Variants in EEFSEC observed in about 807,000 individuals in gnomAD.
The protein encoded by EEFSEC is selenocysteine-specific elongation factor.
In EEFSEC, 43 loss-of-function variants were observed where a neutral mutation model predicts 42.1. That is an observed-to-expected ratio of 1.02 (90% CI 0.80 to 1.32). The LOEUF is 1.32. Ranked by LOEUF, EEFSEC falls within the 40% of genes most tolerant of loss-of-function variation. The pLI is 0.00. For missense variants in EEFSEC, 745 were observed against 803.6 expected, an observed-to-expected ratio of 0.93 and a Z score of 0.88; for synonymous variants, 354 against 339.1, an observed-to-expected ratio of 1.04 and a Z score of -0.48.
chr3:128,153,916 G>A, intron 1 of EEFSEC, 93 bp downstream of exon 1: 1 of 1,411,502 alleles, frequency 7.1e-7, no homozygotes, highest in Non-Finnish European at 9.2e-7. Context: ...TGCCGGGACG[G>A]GAAATCGCCC....
chr3:128,168,846 CTTTGA>C (rs2065266899), intron 1 of EEFSEC, among the ~76,000 whole-genome samples: 1 of 152,184 alleles, frequency 6.6e-6, no homozygotes, highest in Admixed American at 6.5e-5. Context: ...CCGTGGCTTT[CTTTGA>C]TTTATTTTCC....
At chr3:128,382,552 C>T (rs2067789751) in intron 6 of EEFSEC, among the ~76,000 whole-genome samples, 1 of 152,202 alleles carries the variant, frequency 6.6e-6, no homozygotes, top group South Asian at 2.1e-4. Flanking sequence ...GTAAAACATT[C>T]ATAAAACTTT....
intron 1 of EEFSEC, among the ~76,000 whole-genome samples, chr3:128,175,353 G>A (rs1306997925): frequency 1.3e-5 from 2 of 152,246 alleles, no homozygotes; most frequent in Non-Finnish European, 2.9e-5. Flanking sequence ...CCTGTGGCTA[G>A]TTTTGGCTAG....
intron 1 of EEFSEC, among the ~76,000 whole-genome samples, chr3:128,205,649 A>G (rs2065689768): frequency 6.6e-6 from 1 of 152,222 alleles, no homozygotes; most frequent in African/African-American, 2.4e-5. Context: ...CACATTTACT[A>G]ATGCCTGAGC....
Position 128,286,838 on chromosome 3 carries a change from T to C in EEFSEC, c.786+22057T>C, listed in dbSNP as rs904125974. Among the ~76,000 whole-genome samples, 63 of 152,264 alleles carry C rather than the reference T, an allele frequency of 4.1e-4. 1 individual carries two copies. Among genetic ancestry groups the C allele is most frequent in the Admixed American group, 4.6e-4 (7 of 15,290 alleles). ...ACCCATATGTGCATATCTACCATTATAGATACAGAGGCATCTACCTATCTG... is the reference window on the plus strand; with the variant it reads ...ACCCATATGTGCATATCTACCATTACAGATACAGAGGCATCTACCTATCTG... On this transcript the variant is annotated intron_variant, in intron 4 of 6. Transcript: ENST00000254730.
chr3:128,239,705 C>A (rs552747607), intron 1 of EEFSEC, among the ~76,000 whole-genome samples: 1 of 152,310 alleles, frequency 6.6e-6, no homozygotes, highest in Non-Finnish European at 1.5e-5. Flanking sequence ...TGGTAGACAC[C>A]ACTGTCAGTA....
chr3:128,232,252 CCT>C (rs1397047177), intron 1 of EEFSEC, among the ~76,000 whole-genome samples: 7 of 151,996 alleles, frequency 4.6e-5, no homozygotes. Flanking sequence ...GACAATATTT[CCT>C]GAAACAGGAG....
intron 4 of EEFSEC, among the ~76,000 whole-genome samples, chr3:128,268,182 T>C (rs147114845): frequency 7.7e-4 from 117 of 152,354 alleles, no homozygotes; most frequent in Non-Finnish European, 8.2e-4. Context: ...ATGAACCTTG[T>C]ATTTTTTCCA....
At chr3:128,258,406 A>C (rs1329757242) in intron 2 of EEFSEC, among the ~76,000 whole-genome samples, 3 of 152,064 alleles carry the variant, frequency 2.0e-5, no homozygotes, top group Non-Finnish European at 4.4e-5. Context: ...TGCTTCTGCT[A>C]TTTGCTTCAC....
intron 1 of EEFSEC, among the ~76,000 whole-genome samples, chr3:128,235,775 T>C (rs142354339): frequency 7.9e-5 from 12 of 152,374 alleles, no homozygotes; most frequent in African/African-American, 2.9e-4. Context: ...CCTTTTGCTC[T>C]TCCAGACACG....
intron 4 of EEFSEC, among the ~76,000 whole-genome samples, chr3:128,331,961 T>C (rs956589214): frequency 6.6e-6 from 1 of 152,180 alleles, no homozygotes; most frequent in Non-Finnish European, 1.5e-5. Flanking sequence ...AAAAACCCTA[T>C]GTATATATAC....
chr3:128,170,382 C>T (rs902346381), intron 1 of EEFSEC, among the ~76,000 whole-genome samples: 9 of 151,940 alleles, frequency 5.9e-5, no homozygotes, highest in East Asian at 1.9e-4. Flanking sequence ...GCCAACATGA[C>T]GAAACCCCGT....
At chr3:128,195,735 T>TTGGGGC (rs1293274645) in intron 1 of EEFSEC, among the ~76,000 whole-genome samples, 1 of 152,174 alleles carries the variant, frequency 6.6e-6, no homozygotes, top group Non-Finnish European at 1.5e-5. Flanking sequence ...GGAAGATAGG[T>TTGGGGC]TGGGGCTTGG....
At chr3:128,226,576 A>G (rs555549282) in intron 1 of EEFSEC, among the ~76,000 whole-genome samples, 2 of 152,094 alleles carry the variant, frequency 1.3e-5, no homozygotes, top group Non-Finnish European at 1.5e-5. Flanking sequence ...CCCTTCCCTT[A>G]GCTTTCCGGC....
chr3:128,406,050 C>A (rs931027287), intron 6 of EEFSEC, among the ~76,000 whole-genome samples: 49 of 152,236 alleles, frequency 3.2e-4, no homozygotes, highest in Admixed American at 3.9e-4. Flanking sequence ...CTTGCTCCCA[C>A]CAGGACCCCC....
intron 1 of EEFSEC, among the ~76,000 whole-genome samples, chr3:128,213,482 T>C (rs1245132789): frequency 6.6e-6 from 1 of 152,074 alleles, no homozygotes; most frequent in Non-Finnish European, 1.5e-5. Flanking sequence ...ATTCAAGACA[T>C]GGTAGAGGTC....
intron 6 of EEFSEC, among the ~76,000 whole-genome samples, chr3:128,402,006 C>T (rs2068053780): frequency 6.6e-6 from 1 of 152,206 alleles, no homozygotes; most frequent in Non-Finnish European, 1.5e-5. Context: ...CTCCCCGGCT[C>T]CTGTGTGCCA....
At chr3:128,226,130 T>C (rs1454198357) in intron 1 of EEFSEC, among the ~76,000 whole-genome samples, 3 of 152,172 alleles carry the variant, frequency 2.0e-5, no homozygotes, top group African/African-American at 7.2e-5. Context: ...CTTGTGATCC[T>C]TTTAGAGTGA....
At chr3:128,372,213 C>T (rs1233549058) in intron 6 of EEFSEC, among the ~76,000 whole-genome samples, 1 of 152,132 alleles carries the variant, frequency 6.6e-6, no homozygotes, top group Non-Finnish European at 1.5e-5. Context: ...TGGAGGGTCT[C>T]TCCAGAAAGT....
Sources: allele counts gnomAD v4.1 joint callset (sites outside exome capture counted in the v4.1 genomes callset), GRCh38; gene constraint gnomAD v4.1.1; transcripts MANE v1.5; gene names NCBI Gene and HGNC (gene_info 2026-07-23, HGNC 2026-07-21).